BRCA1: variants seen among roughly 807,000 people sequenced by gnomAD.
BRCA1 encodes breast cancer type 1 susceptibility protein.
BRCA1 carries 140 observed loss-of-function variants against 173.7 expected under a neutral mutation model. The observed-to-expected ratio is 0.81, with a 90% CI of 0.70 to 0.93. The LOEUF is 0.93. Among genes scored for constraint, BRCA1 ranks in the 40% least tolerant of loss-of-function variants. The pLI is 0.00. For synonymous variants in BRCA1, 662 were observed against 756.0 expected, an observed-to-expected ratio of 0.88 and a Z score of 2.04; for missense variants, 1,983 against 2,172.5, an observed-to-expected ratio of 0.91 and a Z score of 1.73.
At chr17:43,094,901 T>C (rs2054070372) in intron 9 of BRCA1, 41 bp from the exon 10 acceptor site, 5 of 1,545,606 alleles carry the variant, frequency 3.2e-6, no homozygotes, top group Non-Finnish European at 4.4e-6. Flanking sequence ...AAAAACTGAA[T>C]TGTCATTAAA....
upstream of BRCA1, chr17:43,125,813 T>A (rs560913479): frequency 1.3e-5 from 2 of 154,474 alleles, no homozygotes; most frequent in Admixed American, 6.4e-5. Context: ...TGGAGGGAAA[T>A]AATTATTTCC....
intron 7 of BRCA1, among the ~76,000 whole-genome samples, chr17:43,098,159 G>A (rs2054217307): frequency 6.6e-6 from 1 of 151,050 alleles, no homozygotes. Flanking sequence ...TGAGTAGCTG[G>A]GACTACAGAT....
chr17:43,086,105 T>TAATAC (rs2053218719), intron 11 of BRCA1, among the ~76,000 whole-genome samples: 1 of 94,110 alleles, frequency 1.1e-5, no homozygotes, highest in South Asian at 3.9e-4. Context: ...TTTTATCACA[T>TAATAC]ACATACACAC....
chr17:43,168,236 G>A (rs531592442), intron 1 of BRCA1: 65 of 424,952 alleles, frequency 1.5e-4, no homozygotes, highest in Middle Eastern at 1.3e-3. Flanking sequence ...AACGCAAACA[G>A]CAGATAAATC....
At chr17:43,081,561 A>C (rs2053002412) in intron 12 of BRCA1, among the ~76,000 whole-genome samples, 1 of 152,210 alleles carries the variant, frequency 6.6e-6, no homozygotes, top group Admixed American at 6.5e-5. Flanking sequence ...GTACTTTGGG[A>C]GTACTCACCA....
At chr17:43,067,724 A>G (rs994608035) in intron 15 of BRCA1, 29 bp from the exon 16 acceptor site, 2 of 1,546,696 alleles carry the variant, frequency 1.3e-6, no homozygotes, top group African/African-American at 2.7e-5. Context: ...TTCCATTATC[A>G]TGAGTTACCT....
In BRCA1 at chr17:43,093,091, G is replaced by A. The variant is rs786202054; in HGVS notation, c.2440C>T (p.Leu814=). ...QCAAFENPKG[L]IHGCSKDNRN... ...TTATCTTTGGAACAACCATGAATTA[G>A]TCCCTTGGGGTTTTCAAATGCTGCA... The change falls in exon 10 of 23, where the codon CTA becomes TTA. Residue 814 remains leucine (L), a synonymous_variant. Coordinates refer to ENST00000357654, the MANE Select transcript of BRCA1 (RefSeq NM_007294.4). 5 of 1,613,556 alleles carry A rather than the reference G, an allele frequency of 3.1e-6. No homozygotes were observed. The highest frequency in any genetic ancestry group is 4.2e-6 in the Non-Finnish European group (5 of 1,179,964).
chr17:43,169,966 T>C (rs1191814708), intron 1 of BRCA1: 2 of 468,074 alleles, frequency 4.3e-6, no homozygotes, highest in Non-Finnish European at 8.6e-6. Context: ...GTTTCAATAT[T>C]TACACTGGCT....
chr17:43,066,396 T>G (rs1166159004), intron 16 of BRCA1, among the ~76,000 whole-genome samples: 1 of 152,026 alleles, frequency 6.6e-6, no homozygotes, highest in Non-Finnish European at 1.5e-5. Context: ...GGTCTCCAGG[T>G]TTTGCCTCAC....
intron 21 of BRCA1, among the ~76,000 whole-genome samples, chr17:43,048,357 T>C (rs1325004014): frequency 1.3e-5 from 2 of 151,612 alleles, no homozygotes; most frequent in Non-Finnish European, 2.9e-5. Flanking sequence ...CGTGCGCCCC[T>C]ACGCCCAGCT....
chr17:43,072,389 CAA>C (rs1221283854), intron 14 of BRCA1, among the ~76,000 whole-genome samples: 1 of 151,170 alleles, frequency 6.6e-6, no homozygotes, highest in African/African-American at 2.4e-5. Flanking sequence ...AACTCCGTCT[CAA>C]AAAAGAGTAC....
intron 16 of BRCA1, among the ~76,000 whole-genome samples, chr17:43,064,903 T>C (rs1053917082): frequency 6.8e-6 from 1 of 148,114 alleles, no homozygotes; most frequent in Non-Finnish European, 1.5e-5. Context: ...GGATCTCAGC[T>C]CACGGCAAGC....
In BRCA1 at chr17:43,135,757, CT is replaced by C. The variant is rs374052554; in HGVS notation, c.-19-11643del. Among the ~76,000 whole-genome samples the C allele has an allele frequency of 3.3e-5, 5 of 152,338 alleles. No individual in the cohort carries two copies. The East Asian group carries it at 5.8e-4, about 18-fold the overall frequency. ...CTTCTCGAATGGGGGTGGCCCTCCC[CT>C]GATCTTCTGAATCGCAACAGCATCT... On this transcript the variant is annotated intron_variant, in intron 1 of 7. Transcript: ENST00000634433.
chr17:43,125,120 C>T (rs1472959422), intron 1 of BRCA1, 151 bp downstream of exon 1: 3 of 451,766 alleles, frequency 6.6e-6, no homozygotes, highest in Non-Finnish European at 1.3e-5. Flanking sequence ...CTGCCCCCCT[C>T]CCCAGGGTTC....
At chr17:43,127,554 C>A (rs1229066465), upstream of BRCA1, among the ~76,000 whole-genome samples, 1 of 152,178 alleles carries the variant, frequency 6.6e-6, no homozygotes, top group Non-Finnish European at 1.5e-5. Context: ...GTAGTGGGGA[C>A]TTGGAGAATT....
At chr17:43,109,180 A>G (rs1419550743) in intron 3 of BRCA1, among the ~76,000 whole-genome samples, 2 of 151,988 alleles carry the variant, frequency 1.3e-5, no homozygotes, top group African/African-American at 2.4e-5. Context: ...TTATTTTTGT[A>G]CAGATGTGGT....
In BRCA1 at chr17:43,151,722, T is replaced by G. The variant is rs556323534; in HGVS notation, c.-20+18404A>C. Among the ~76,000 whole-genome samples, 3 of 152,208 alleles carry G rather than the reference T, an allele frequency of 2.0e-5. No individual in the cohort carries two copies. In the East Asian group the frequency reaches 5.8e-4, roughly 29 times the overall value. ...CTGGTCAACATAGGGAGACCCCATC[T>G]CTACAAAAAAATGTTTAAAAAAACT... On this transcript the variant is annotated intron_variant, in intron 1 of 7. Coordinates refer to the BRCA1 transcript ENST00000634433.
At chr17:43,135,415 C>T (rs1218139559) in intron 1 of BRCA1, among the ~76,000 whole-genome samples, 2 of 152,252 alleles carry the variant, frequency 1.3e-5, no homozygotes, top group East Asian at 1.9e-4. Flanking sequence ...AATGCATGCA[C>T]CCGCTCCTTT....
chr17:43,124,022 G>A lies in BRCA1; in HGVS notation c.75C>T (p.Pro25=), dbSNP rs80356839. The change falls in exon 2 of 23, where the codon CCC becomes CCT. Residue 25 remains proline, a synonymous_variant. Coordinates refer to ENST00000357654, the MANE Select transcript of BRCA1 (RefSeq NM_007294.4). ...INAMQKILEC[P]ICLELIKEPV... ...ACACTCTTGTGCTGACTTACCAGAT[G>A]GGACACTCTAAGATTTTCTGCATAG... 6.0e-5 allele frequency: 96 copies of A among 1,610,856 alleles called. 3 individuals are homozygous for A. Among genetic ancestry groups the A allele is most frequent in the East Asian group, 4.9e-4 (22 of 44,844 alleles).
Sources: gnomAD v4.1 joint callset for allele counts (sites outside exome capture counted in the v4.1 genomes callset) on GRCh38, gnomAD v4.1.1 for gene constraint, MANE v1.5 for transcripts, NCBI Gene and HGNC (gene_info 2026-07-23, HGNC 2026-07-21) for gene names.